The following PPP2R2B variants were observed in gnomAD, a reference collection of about 807,000 sequenced individuals.
PPP2R2B encodes the protein protein phosphatase 2 regulatory subunit Bbeta.
A neutral mutation model predicts 46.0 loss-of-function variants in PPP2R2B; 5 were observed. The observed-to-expected ratio is 0.11, with a 90% CI of 0.06 to 0.23. PPP2R2B has a LOEUF of 0.23. Among genes scored for constraint, PPP2R2B ranks in the 10% least tolerant of loss-of-function variants. The pLI is 1.00. For missense variants in PPP2R2B, 367 were observed against 575.0 expected, an observed-to-expected ratio of 0.64 and a Z score of 3.70; for synonymous variants, 215 against 206.7, an observed-to-expected ratio of 1.04 and a Z score of -0.34.
intron 1 of PPP2R2B, among the ~76,000 whole-genome samples, chr5:147,003,707 C>T (rs889897297): frequency 1.3e-5 from 2 of 152,104 alleles, no homozygotes; most frequent in South Asian, 4.1e-4. Flanking sequence ...ATCATGGGGA[C>T]TGGAGTTGCA....
intron 1 of PPP2R2B, among the ~76,000 whole-genome samples, chr5:147,029,412 C>T (rs1755676417): frequency 2.0e-5 from 3 of 152,202 alleles, no homozygotes; most frequent in African/African-American, 7.2e-5. Flanking sequence ...CTCCATTGCT[C>T]TGCAATGCCA....
At chr5:146,993,771 T>C (rs957859338) in intron 1 of PPP2R2B, among the ~76,000 whole-genome samples, 8 of 152,160 alleles carry the variant, frequency 5.3e-5, no homozygotes, top group East Asian at 1.9e-4. Flanking sequence ...ACTGTCATCA[T>C]TGTCATTGTA....
chr5:146,882,170 G>A (rs535362166), upstream of PPP2R2B, among the ~76,000 whole-genome samples: 133 of 151,892 alleles, frequency 8.8e-4, no homozygotes, highest in African/African-American at 2.9e-3. Flanking sequence ...CCAGCTACTC[G>A]GGAGGCTGAG....
Position 146,878,290 on chromosome 5 carries a change from C to T in PPP2R2B, c.-124-95G>A. 2.7e-6 allele frequency: 4 copies of T among 1,458,912 alleles called. No homozygotes were observed. Among genetic ancestry groups the T allele is most frequent in the East Asian group, 2.5e-5 (1 of 40,316 alleles). The allele number at this position is 1,458,912 out of a possible 1,614,324, so 90.4% of individuals were successfully genotyped here. ...CTCGGGTTCTGCGAGGCTGCGGCGG[C>T]TCCTCCCGCGCGGTGCGCTCACTCC... On this transcript the variant is annotated intron_variant, in intron 1 of 9. Transcript: ENST00000394411. The surrounding 1 kb of genome is among the most constrained non-coding windows in gnomAD (Gnocchi z 4.5).
intron 2 of PPP2R2B, among the ~76,000 whole-genome samples, chr5:146,864,962 G>A (rs1761223554): frequency 6.6e-6 from 1 of 152,046 alleles, no homozygotes; most frequent in African/African-American, 2.4e-5. Context: ...AGGTAATTTA[G>A]TCCTATCATC....
chr5:147,026,537 T>A (rs1476865173), intron 1 of PPP2R2B, among the ~76,000 whole-genome samples: 1 of 152,150 alleles, frequency 6.6e-6, no homozygotes, highest in Non-Finnish European at 1.5e-5. Flanking sequence ...TGTGTATATA[T>A]CTCTCTATAT....
intron 7 of PPP2R2B, among the ~76,000 whole-genome samples, chr5:146,605,643 T>C (rs1207204417): frequency 6.6e-6 from 1 of 152,236 alleles, no homozygotes; most frequent in Non-Finnish European, 1.5e-5. Context: ...GCAACCAAAA[T>C]GTCTCTAGAT....
chr5:146,694,126 C>A (rs1308936488), intron 4 of PPP2R2B, among the ~76,000 whole-genome samples: 1 of 152,168 alleles, frequency 6.6e-6, no homozygotes, highest in Non-Finnish European at 1.5e-5. Context: ...TCTTAATGAA[C>A]CACATTGTGA....
intron 1 of PPP2R2B, among the ~76,000 whole-genome samples, chr5:147,007,570 C>T (rs1754504435): frequency 6.6e-6 from 1 of 152,138 alleles, no homozygotes; most frequent in African/African-American, 2.4e-5. Flanking sequence ...AGGTCCCCTT[C>T]CACACTATGG....
At chr5:146,601,102 G>A (rs1200024628) in intron 7 of PPP2R2B, among the ~76,000 whole-genome samples, 4 of 152,108 alleles carry the variant, frequency 2.6e-5, no homozygotes, top group Admixed American at 6.5e-5. Flanking sequence ...CATCCATGTC[G>A]TAGCATGTAT....
chr5:146,606,298 A>G (rs1327646593), intron 7 of PPP2R2B, among the ~76,000 whole-genome samples: 2 of 152,102 alleles, frequency 1.3e-5, no homozygotes, highest in Non-Finnish European at 2.9e-5. Flanking sequence ...ATGCCCATGT[A>G]GAGGGGTTAG....
intron 1 of PPP2R2B, among the ~76,000 whole-genome samples, chr5:146,932,559 T>C (rs1764003753): frequency 6.6e-6 from 1 of 152,214 alleles, no homozygotes; most frequent in Non-Finnish European, 1.5e-5. Flanking sequence ...CTGCCATGAC[T>C]GTGAGGCCTC....
chr5:146,887,639 A>G (rs1036927235), intron 1 of PPP2R2B, among the ~76,000 whole-genome samples: 5 of 152,252 alleles, frequency 3.3e-5, no homozygotes, highest in African/African-American at 1.2e-4. Flanking sequence ...GACAAGAAAG[A>G]TGTGATATAT....
rs1237885192 is a variant in PPP2R2B at position 146,586,842 on chromosome 5, TTTTTG to T, written c.*3100_*3104del. 6.6e-6 allele frequency: 1 copy of T among 152,222 alleles called. No individual in the cohort carries two copies. Among genetic ancestry groups the T allele is most frequent in the Non-Finnish European group, 1.5e-5 (1 of 68,048 alleles). 9.4% of individuals were successfully genotyped at this position (152,222 alleles called of 1,614,324 possible). A position where few individuals can be genotyped will look rare whatever the true frequency, so the allele number is the denominator to read the frequency against. On this transcript the variant is annotated 3_prime_UTR_variant, in exon 10 of 10. Transcript: ENST00000394411. The stretch of plus-strand genomic sequence containing the variant: ...TCTTGATGCTGGCTAGTATCTTCCT[TTTTTG>T]TTTTTTCTAACTAATCTTCCTCCTC...
intron 5 of PPP2R2B, among the ~76,000 whole-genome samples, chr5:146,689,174 T>C (rs1469006941): frequency 2.0e-5 from 3 of 152,198 alleles, no homozygotes; most frequent in Non-Finnish European, 2.9e-5. Flanking sequence ...TGAGTGCTTT[T>C]TGTGAGCCAG....
chr5:146,714,912 A>G (rs977214905), intron 2 of PPP2R2B, among the ~76,000 whole-genome samples: 5 of 151,734 alleles, frequency 3.3e-5, no homozygotes, highest in African/African-American at 1.2e-4. Context: ...CTCCTTTTGA[A>G]GCTGAGAGCA....
At chr5:146,953,532 G>A (rs1751726116) in intron 1 of PPP2R2B, among the ~76,000 whole-genome samples, 1 of 152,118 alleles carries the variant, frequency 6.6e-6, no homozygotes, top group Non-Finnish European at 1.5e-5. Context: ...GGTGTTAATG[G>A]AGTTGGTCAA....
At chr5:146,972,829 T>C (rs1454194624) in intron 1 of PPP2R2B, among the ~76,000 whole-genome samples, 2 of 152,222 alleles carry the variant, frequency 1.3e-5, no homozygotes, top group Non-Finnish European at 2.9e-5. Context: ...TTCTGAACTG[T>C]TGACATTTTT....
At chr5:146,976,959 CTATA>C (rs1282398956) in intron 1 of PPP2R2B, among the ~76,000 whole-genome samples, 1 of 152,134 alleles carries the variant, frequency 6.6e-6, no homozygotes, top group Non-Finnish European at 1.5e-5. Flanking sequence ...ATATTTCTCT[CTATA>C]TATGTTTCTC....
Sources: gnomAD v4.1 joint callset for allele counts (sites outside exome capture counted in the v4.1 genomes callset) on GRCh38, gnomAD v4.1.1 for gene constraint, Gnocchi (gnomAD v3.1) non-coding constraint, MANE v1.5 for transcripts, NCBI Gene and HGNC (gene_info 2026-07-23, HGNC 2026-07-21) for gene names.